The following GRIP2 variants were observed in gnomAD, a reference collection of about 807,000 sequenced individuals.
The protein encoded by GRIP2 is glutamate receptor-interacting protein 2.
A neutral mutation model predicts 108.3 loss-of-function variants in GRIP2; 58 were observed. The ratio of observed to expected loss-of-function variants is 0.54; its 90% CI spans 0.43 to 0.67. GRIP2 has a LOEUF of 0.67. GRIP2 is among the 30% of genes least tolerant of loss of function. The pLI is 0.00. For synonymous variants in GRIP2, 586 were observed against 598.2 expected, an observed-to-expected ratio of 0.98 and a Z score of 0.30; for missense variants, 1,278 against 1,430.6, an observed-to-expected ratio of 0.89 and a Z score of 1.72.
Position 14,523,693 on chromosome 3 carries a change from C to T in GRIP2, c.409G>A (p.Glu137Lys), listed in dbSNP as rs1244037079. Residue 137 changes from glutamate to lysine, a missense_variant, in exon 5 of 24, where the codon GAG becomes AAG. Coordinates refer to ENST00000621039, the MANE Select transcript of GRIP2 (RefSeq NM_001080423.4). The stretch of plus-strand genomic sequence containing the variant: ...TTTGAAATGATCCTGGGGTTATTCT[C>T]AGGAGCTGGGGAGAAATGGAGGACT... ...VEYELPPPAPENNPRIISKTV... is the reference protein window; with the variant it reads ...VEYELPPPAPKNNPRIISKTV... 1.2e-6 allele frequency: 2 copies of T among 1,609,312 alleles called. No homozygotes were observed. Among genetic ancestry groups the T allele is most frequent in the South Asian group, 2.2e-5 (2 of 89,794 alleles).
At chr3:14,551,234 C>A (rs537490095) in intron 1 of GRIP2, among the ~76,000 whole-genome samples, 2 of 152,340 alleles carry the variant, frequency 1.3e-5, no homozygotes, top group East Asian at 3.9e-4. Context: ...TCACAACGAT[C>A]TGGACAATTA....
chr3:14,569,416 G>C, the GRIP2 span, among the ~76,000 whole-genome samples: 1 of 152,202 alleles, frequency 6.6e-6, no homozygotes, highest in Non-Finnish European at 1.5e-5. Context: ...TTAGGGCCTG[G>C]TGCCTAGTCC....
chr3:14,500,615 A>T (rs1693739048), intron 21 of GRIP2, among the ~76,000 whole-genome samples: 1 of 152,206 alleles, frequency 6.6e-6, no homozygotes, highest in African/African-American at 2.4e-5. Context: ...AGTCAACTAA[A>T]CTATCATTTA....
intron 3 of GRIP2, 45 bp from the exon 4 acceptor site, chr3:14,524,583 C>T (rs1490991689): frequency 2.0e-6 from 3 of 1,537,536 alleles, no homozygotes; most frequent in Non-Finnish European, 2.6e-6. Context: ...GGTGCTGGCC[C>T]ATGCAGTCCT....
In GRIP2 at chr3:14,495,003, G is replaced by A. The variant is rs1574985085; in HGVS notation, c.2824-14C>T. The A allele has an allele frequency of 3.7e-6, 6 of 1,608,766 alleles. No homozygotes were observed. The highest frequency in any genetic ancestry group is 1.3e-5 in the African/African-American group (1 of 74,918). ...GTGCAGGGTCACCTGGAAGCAGAAG[G>A]AGGAGGAGGTTCCTGGAACTCTGAC... On this transcript the variant is annotated splice_polypyrimidine_tract_variant and intron_variant, in intron 22 of 23. Transcript: ENST00000621039.
At chr3:14,591,451 C>T in the GRIP2 span, among the ~76,000 whole-genome samples, 1 of 152,134 alleles carries the variant, frequency 6.6e-6, no homozygotes, top group African/African-American at 2.4e-5. Flanking sequence ...CCTCTCTGTG[C>T]TTCAGGTTCT....
intron 9 of GRIP2, among the ~76,000 whole-genome samples, chr3:14,518,949 A>G (rs1346207202): frequency 6.6e-6 from 1 of 152,240 alleles, no homozygotes; most frequent in Admixed American, 6.5e-5. Context: ...GTAGAAGCTC[A>G]GTTAATGAGA....
At chr3:14,544,500 A>G (rs892768479), upstream of GRIP2, among the ~76,000 whole-genome samples, 11 of 152,204 alleles carry the variant, frequency 7.2e-5, no homozygotes, top group African/African-American at 2.6e-4. Flanking sequence ...TCCGTCCTTC[A>G]TCTCTGACTC....
intron 16 of GRIP2, 115 bp from the exon 17 acceptor site, chr3:14,510,079 C>A: frequency 1.0e-6 from 1 of 995,734 alleles, no homozygotes; most frequent in South Asian, 4.1e-5. Flanking sequence ...CCCAGTCACT[C>A]ACGCTCTGAT....
intron 1 of GRIP2, among the ~76,000 whole-genome samples, chr3:14,529,257 C>T (rs917500185): frequency 1.5e-4 from 20 of 133,252 alleles, no homozygotes; most frequent in East Asian, 2.1e-4. Context: ...CCAGCCTGGG[C>T]GACAGAGTGA....
At chr3:14,552,638 T>A (rs1052286803) in intron 1 of GRIP2, among the ~76,000 whole-genome samples, 26 of 149,360 alleles carry the variant, frequency 1.7e-4, no homozygotes, top group African/African-American at 5.6e-4. Flanking sequence ...CTCTCTCTTT[T>A]TTTTTTTTTT....
the GRIP2 span, among the ~76,000 whole-genome samples, chr3:14,563,005 G>C: frequency 1.3e-5 from 2 of 151,898 alleles, no homozygotes; most frequent in South Asian, 4.1e-4. Flanking sequence ...CAAATAATGA[G>C]AGTGGGGGAA....
At chr3:14,571,109 G>GA in the GRIP2 span, among the ~76,000 whole-genome samples, 5 of 151,826 alleles carry the variant, frequency 3.3e-5, no homozygotes, top group Admixed American at 1.3e-4. Flanking sequence ...GTCCCCTGGG[G>GA]AAAAAAAATC....
intron 1 of GRIP2, among the ~76,000 whole-genome samples, chr3:14,531,452 A>G (rs1694708528): frequency 6.6e-6 from 1 of 152,218 alleles, no homozygotes; most frequent in South Asian, 2.1e-4. Flanking sequence ...CTCCTTTTGC[A>G]CATGCCTCAT....
At chr3:14,581,917 G>C in the GRIP2 span, among the ~76,000 whole-genome samples, 1 of 152,212 alleles carries the variant, frequency 6.6e-6, no homozygotes, top group Non-Finnish European at 1.5e-5. Context: ...TGTTTTGGAT[G>C]CTGGTGTTGG....
At position 14,511,389 on chromosome 3, in the gene GRIP2, C is replaced by A; in HGVS notation, c.1787+24G>T. 6.2e-7 allele frequency: 1 copy of A among 1,614,004 alleles called. No individual in the cohort carries two copies. The highest frequency in any genetic ancestry group is 8.5e-7 in the Non-Finnish European group (1 of 1,179,874). ...ATACTCACTGCTGTTGGCCACTTCC[C>A]TTCCTGTGCCCCAGTGCCCCTACCT... On this transcript the variant is annotated intron_variant, in intron 15 of 23. Transcript: ENST00000621039. The surrounding 1 kb of genome is among the most constrained non-coding windows in gnomAD (Gnocchi z 4.1).
chr3:14,595,053 C>T, the GRIP2 span, among the ~76,000 whole-genome samples: 1 of 152,068 alleles, frequency 6.6e-6, no homozygotes, highest in African/African-American at 2.4e-5. Flanking sequence ...TGTGCCACTA[C>T]ACCCGACTAA....
rs778702020 is a variant in GRIP2, at chr3:14,525,434, C to T, written c.257+3G>A. 2.5e-6 allele frequency: 4 copies of T among 1,610,152 alleles called. No homozygotes were observed. The highest frequency in any genetic ancestry group is 3.4e-6 in the Non-Finnish European group (4 of 1,179,036). On this transcript the variant is annotated splice_donor_region_variant and intron_variant, in intron 3 of 23. Transcript: ENST00000621039. Reference sequence around the variant, plus strand: ...CTGCGGCCGTGCCAAGCCCACTTCTCACCTGGCTGCAAGTCCCCCAGGTCT... The same window carrying T: ...CTGCGGCCGTGCCAAGCCCACTTCTTACCTGGCTGCAAGTCCCCCAGGTCT...
At chr3:14,509,027 T>C (rs888392147) in intron 17 of GRIP2, among the ~76,000 whole-genome samples, 1 of 151,904 alleles carries the variant, frequency 6.6e-6, no homozygotes, top group South Asian at 2.1e-4. Flanking sequence ...GATGAAGACA[T>C]TGGGGTCAGA....
Sources: allele counts gnomAD v4.1 joint callset (sites outside exome capture counted in the v4.1 genomes callset), GRCh38; gene constraint gnomAD v4.1.1; non-coding constraint Gnocchi (gnomAD v3.1); transcripts MANE v1.5; gene names NCBI Gene and HGNC (gene_info 2026-07-23, HGNC 2026-07-21).